RSF1: variants seen among roughly 807,000 people sequenced by gnomAD.
RSF1 encodes the protein remodeling and spacing factor 1.
RSF1 carries 13 observed loss-of-function variants against 145.2 expected under a neutral mutation model. The observed-to-expected ratio is 0.09, with a 90% CI of 0.06 to 0.14. The LOEUF (loss-of-function observed/expected upper bound fraction) is 0.14. Among genes scored for constraint, RSF1 ranks in the 10% least tolerant of loss-of-function variants. The probability of loss-of-function intolerance (pLI) is 1.00; values close to 1 mark genes in which losing one functional copy is unlikely to be tolerated. For synonymous variants in RSF1, 577 were observed against 592.6 expected (o/e 0.97, Z 0.38); for missense variants, 1,517 against 1,718.2 (o/e 0.88, Z 2.07).
intron 1 of RSF1, among the ~76,000 whole-genome samples, chr11:77,787,461 C>A (rs1456544233): frequency 6.6e-6 from 1 of 152,074 alleles, no homozygotes; most frequent in Non-Finnish European, 1.5e-5. Context: ...AGTTCACAAC[C>A]ATGTTTATTC....
chr11:77,855,720 C>CTTTTTT, the RSF1 span, among the ~76,000 whole-genome samples: 3 of 127,972 alleles, frequency 2.3e-5, no homozygotes, highest in Admixed American at 1.7e-4. Context: ...AGTTTTATGT[C>CTTTTTT]TTTTTTTTTT....
chr11:77,723,436 C>T (rs1960983271), intron 5 of RSF1, among the ~76,000 whole-genome samples: 1 of 152,114 alleles, frequency 6.6e-6, no homozygotes, highest in Non-Finnish European at 1.5e-5. Flanking sequence ...GTACTTCAGC[C>T]TGGGCGACAG....
At chr11:77,780,992 T>C (rs1023974234) in intron 1 of RSF1, among the ~76,000 whole-genome samples, 2 of 152,204 alleles carry the variant, frequency 1.3e-5, no homozygotes, top group African/African-American at 2.4e-5. Flanking sequence ...TGTCTGGCTT[T>C]TTTGCTTCAC....
At chr11:77,862,249 A>G in the RSF1 span, among the ~76,000 whole-genome samples, 2 of 152,142 alleles carry the variant, frequency 1.3e-5, no homozygotes, top group Non-Finnish European at 2.9e-5. Context: ...CTGAGATACC[A>G]GAGATCGCCA....
chr11:77,717,144 C>G (rs1228705596), intron 5 of RSF1, among the ~76,000 whole-genome samples: 1 of 145,836 alleles, frequency 6.9e-6, no homozygotes, highest in Admixed American at 6.9e-5. Flanking sequence ...CACCACTGTA[C>G]CCCAGCATGG....
chr11:77,697,533 AATATATATATT>A, intron 7 of RSF1, among the ~76,000 whole-genome samples: 1 of 96,960 alleles, frequency 1.0e-5, no homozygotes, highest in Non-Finnish European at 2.0e-5. Context: ...TATAATATAT[AATATATATATT>A]ATATATATAA....
At chr11:77,847,881 G>C in the RSF1 span, among the ~76,000 whole-genome samples, 1 of 152,082 alleles carries the variant, frequency 6.6e-6, no homozygotes, top group Non-Finnish European at 1.5e-5. Context: ...TAAAAACCCC[G>C]GGAGCTGAAG....
chr11:77,862,230 A>G, the RSF1 span, among the ~76,000 whole-genome samples: 22 of 152,238 alleles, frequency 1.4e-4, no homozygotes, highest in Non-Finnish European at 2.8e-4. Flanking sequence ...TTGTCATCCT[A>G]TCATTGACCT....
intron 5 of RSF1, among the ~76,000 whole-genome samples, chr11:77,722,009 CA>C (rs775327302): frequency 6.6e-6 from 1 of 151,994 alleles, no homozygotes; most frequent in Non-Finnish European, 1.5e-5. Context: ...CATGTCTTTA[CA>C]AAATTAAAAA....
chr11:77,769,722 G>C (rs1298910327), intron 1 of RSF1, among the ~76,000 whole-genome samples: 1 of 152,216 alleles, frequency 6.6e-6, no homozygotes, highest in African/African-American at 2.4e-5. Flanking sequence ...CACTGCTCCT[G>C]CAATTCTATT....
intron 5 of RSF1, among the ~76,000 whole-genome samples, chr11:77,709,979 G>T (rs1162384931): frequency 1.3e-5 from 2 of 152,196 alleles, no homozygotes; most frequent in East Asian, 3.9e-4. Context: ...AAGGTATCAA[G>T]AATTTTTTAA....
Position 77,685,141 on chromosome 11 carries a change from A to G in RSF1, c.2919T>C (p.Tyr973=), listed in dbSNP as rs745798804. 3.2e-6 allele frequency: 5 copies of G among 1,565,814 alleles called. No homozygotes were observed. In the South Asian group the frequency reaches 6.2e-5, roughly 19 times the overall value. ...TGATGTTTTCAATACTGATACCAAC[A>G]TACACCAAGCGTTCTTTTCTTTAGG... ...RAERRKERLV[Y]VGISIENIIP... Residue 973 remains tyrosine, a synonymous_variant, in exon 10 of 16, where the codon TAT becomes TAC. Coordinates refer to ENST00000308488, the MANE Select transcript of RSF1 (RefSeq NM_016578.4).
At position 77,734,874 on chromosome 11, in the gene RSF1, G is replaced by A. The variant is rs953812677; in HGVS notation, c.578+5857C>T. On this transcript the variant is annotated intron_variant, in intron 4 of 15. Coordinates refer to ENST00000308488, the MANE Select transcript of RSF1 (RefSeq NM_016578.4). ...ATTGGTGAAGAAAGTATTTGGCAAA[G>A]TTCTTCAAAGCCACATCATCACGGT... 29 of 1,580,900 alleles carry A rather than the reference G, an allele frequency of 1.8e-5. No individual in the cohort carries two copies. The Admixed American group carries it at 4.3e-4, about 24-fold the overall frequency.
intron 1 of RSF1, among the ~76,000 whole-genome samples, chr11:77,788,142 CAAAAAAAAAAAA>C (rs66595170): frequency 9.4e-3 from 32 of 3,416 alleles, no homozygotes; most frequent in South Asian, 0.042. Context: ...GACACTATCT[CAAAAAAAAAAAA>C]AAAAAAAAAA....
At chr11:77,758,196 A>G (rs1005725122) in intron 2 of RSF1, among the ~76,000 whole-genome samples, 5 of 152,148 alleles carry the variant, frequency 3.3e-5, no homozygotes, top group Non-Finnish European at 7.4e-5. Context: ...TAGGAAAGCA[A>G]TAACAAGTCT....
intron 1 of RSF1, among the ~76,000 whole-genome samples, chr11:77,795,374 C>G (rs1948562068): frequency 6.6e-6 from 1 of 151,964 alleles, no homozygotes; most frequent in Non-Finnish European, 1.5e-5. Context: ...ACAAAAAAAC[C>G]CTGCAGAACA....
rs191566611 is a variant in RSF1 at position 77,814,164 on chromosome 11, C to G, written c.187+6364G>C. On this transcript the variant is annotated intron_variant, in intron 1 of 15. Transcript: ENST00000308488. The stretch of plus-strand genomic sequence containing the variant: ...GTAGTGAACCAGGATCGCGCCACTG[C>G]ACTCCAGCCTGGGCCACAGAGCGAG... 1.7e-4 allele frequency among the ~76,000 whole-genome samples: 26 copies of G among 149,144 alleles called. No individual in the cohort carries two copies. The East Asian group carries it at 4.9e-3, about 28-fold the overall frequency.
At chr11:77,835,921 A>T in the RSF1 span, among the ~76,000 whole-genome samples, 1 of 152,136 alleles carries the variant, frequency 6.6e-6, no homozygotes, top group Non-Finnish European at 1.5e-5. Context: ...AAAGAAAAAA[A>T]AAATAATAAT....
intron 1 of RSF1, among the ~76,000 whole-genome samples, chr11:77,787,184 C>T (rs1202617271): frequency 6.6e-6 from 1 of 152,098 alleles, no homozygotes; most frequent in East Asian, 1.9e-4. Context: ...AAGGGAATAG[C>T]ACCCAACACC....
Sources: gnomAD v4.1 joint callset for allele counts (sites outside exome capture counted in the v4.1 genomes callset) on GRCh38, gnomAD v4.1.1 for gene constraint, MANE v1.5 for transcripts, NCBI Gene and HGNC (gene_info 2026-07-23, HGNC 2026-07-21) for gene names.